The following GRID1 variants were observed in gnomAD, a reference collection of about 807,000 sequenced individuals.
GRID1 encodes glutamate ionotropic receptor delta type subunit 1, also known as glutamate receptor ionotropic, delta-1.
GRID1 carries 28 observed loss-of-function variants against 98.0 expected under a neutral mutation model. The observed-to-expected ratio is 0.29, with a 90% CI of 0.21 to 0.39. The LOEUF (loss-of-function observed/expected upper bound fraction) is 0.39, where lower values mean the gene tolerates loss of function less well. Ranked by LOEUF, GRID1 falls within the 10% of genes least tolerant of loss-of-function variation. The pLI, the probability that GRID1 is intolerant of heterozygous loss-of-function variation, is 1.00. For missense variants in GRID1, 1,111 were observed against 1,340.5 expected, an observed-to-expected ratio of 0.83 and a Z score of 2.67; for synonymous variants, 553 against 538.5, an observed-to-expected ratio of 1.03 and a Z score of -0.37.
At position 85,602,167 on chromosome 10, in the gene GRID1, ATG is replaced by A. The variant is rs1476933384; in HGVS notation, c.*104_*105del. The A allele has an allele frequency of 7.0e-5, 44 of 624,878 alleles. No individual in the cohort carries two copies. Among genetic ancestry groups the A allele is most frequent in the Non-Finnish European group, 8.8e-5 (32 of 365,378 alleles). 38.7% of individuals were successfully genotyped at this position (624,878 alleles called of 1,614,324 possible). On this transcript the variant is annotated 3_prime_UTR_variant, in exon 16 of 16. Coordinates refer to ENST00000327946, the MANE Select transcript of GRID1 (RefSeq NM_017551.3). ...AAGAAAAATGAAAGAGTCTCTGTGTATGTGTGTGTGTGCGAGTGTGTGTGGTT... is the reference window on the plus strand; with the variant it reads ...AAGAAAAATGAAAGAGTCTCTGTGTATGTGTGTGTGCGAGTGTGTGTGGTT...
chr10:85,737,819 C>A (rs547964444), intron 8 of GRID1, among the ~76,000 whole-genome samples: 2 of 150,574 alleles, frequency 1.3e-5, no homozygotes, highest in Admixed American at 1.3e-4. Flanking sequence ...AAGAAACTTG[C>A]AATTGCAAAA....
rs140014251 is a variant in GRID1, at chr10:86,356,685, A to G, written c.235+7256T>C. Reference sequence around the variant, plus strand: ...TGCTGGGAGTTTTGGATTGTTTGTTACTGCAGCATAACTTAGTCTCCCCTG... The same window carrying G: ...TGCTGGGAGTTTTGGATTGTTTGTTGCTGCAGCATAACTTAGTCTCCCCTG... On this transcript the variant is annotated intron_variant, in intron 2 of 15. Transcript: ENST00000327946. 3.2e-3 allele frequency among the ~76,000 whole-genome samples: 482 copies of G among 152,334 alleles called. 1 individual carries two copies. Among genetic ancestry groups the G allele is most frequent in the African/African-American group, 0.011 (451 of 41,566 alleles).
intron 8 of GRID1, among the ~76,000 whole-genome samples, chr10:85,796,534 T>C (rs1564593420): frequency 6.6e-6 from 1 of 152,110 alleles, no homozygotes; most frequent in Admixed American, 6.5e-5. Context: ...CATTGCAAGA[T>C]ATAAAAGGCT....
intron 4 of GRID1, among the ~76,000 whole-genome samples, chr10:85,996,301 T>C (rs895224859): frequency 1.3e-5 from 2 of 152,124 alleles, no homozygotes; most frequent in Admixed American, 1.3e-4. Context: ...AAGTAACTAT[T>C]ATAAAAATGT....
chr10:86,349,759 A>G (rs776962119), intron 2 of GRID1, among the ~76,000 whole-genome samples: 2 of 152,196 alleles, frequency 1.3e-5, no homozygotes, highest in South Asian at 2.1e-4. Flanking sequence ...TGCAGAGAGC[A>G]GAGTTCCCAT....
intron 3 of GRID1, among the ~76,000 whole-genome samples, chr10:86,194,597 A>G (rs1238818792): frequency 1.3e-5 from 2 of 152,062 alleles, no homozygotes; most frequent in Non-Finnish European, 2.9e-5. Context: ...TGTTGTTTTA[A>G]TTTTTTCAAC....
chr10:86,116,042 GTGTGT>G (rs1306435456), intron 4 of GRID1, among the ~76,000 whole-genome samples: 2 of 152,216 alleles, frequency 1.3e-5, no homozygotes, highest in East Asian at 3.9e-4. Context: ...TAAAGCCTAG[GTGTGT>G]TGTAGGCTGT....
At chr10:86,213,471 T>C (rs546111181) in intron 2 of GRID1, among the ~76,000 whole-genome samples, 1 of 152,232 alleles carries the variant, frequency 6.6e-6, no homozygotes, top group South Asian at 2.1e-4. Context: ...CTATCTCGCA[T>C]GACTTCCTGC....
chr10:85,635,603 C>T (rs941221169), intron 13 of GRID1, among the ~76,000 whole-genome samples: 1 of 152,158 alleles, frequency 6.6e-6, no homozygotes, highest in African/African-American at 2.4e-5. Context: ...CTACCTCTGC[C>T]CTCAGCCAGC....
chr10:86,307,365 A>G lies in GRID1; in HGVS notation c.235+56576T>C, dbSNP rs566616899. Reference sequence around the variant, plus strand: ...TACACAATGGAATTCAGCCTTAAAAAAGAATTAAATCCTGCCATTTGCAAT... The same window carrying G: ...TACACAATGGAATTCAGCCTTAAAAGAGAATTAAATCCTGCCATTTGCAAT... On this transcript the variant is annotated intron_variant, in intron 2 of 15. Coordinates refer to ENST00000327946, the MANE Select transcript of GRID1 (RefSeq NM_017551.3). Among the ~76,000 whole-genome samples the G allele has an allele frequency of 1.1e-4, 16 of 152,342 alleles. No homozygotes were observed. The South Asian group carries it at 3.1e-3, about 30-fold the overall frequency.
intron 12 of GRID1, among the ~76,000 whole-genome samples, chr10:85,668,111 C>T (rs529558117): frequency 2.0e-5 from 3 of 152,326 alleles, no homozygotes; most frequent in South Asian, 2.1e-4. Context: ...GGCATTGGCA[C>T]GTGCATTCCA....
At chr10:86,228,512 A>G (rs907779419) in intron 2 of GRID1, among the ~76,000 whole-genome samples, 1 of 152,020 alleles carries the variant, frequency 6.6e-6, no homozygotes, top group South Asian at 2.1e-4. Flanking sequence ...AGCCTCAATC[A>G]ACACCCACCT....
At chr10:85,872,706 A>G (rs1221219255) in intron 5 of GRID1, among the ~76,000 whole-genome samples, 2 of 151,918 alleles carry the variant, frequency 1.3e-5, no homozygotes, top group Non-Finnish European at 2.9e-5. Flanking sequence ...CATTCTACCC[A>G]CCTGGGAATT....
At chr10:86,217,004 A>G (rs2132026681) in intron 2 of GRID1, among the ~76,000 whole-genome samples, 1 of 152,290 alleles carries the variant, frequency 6.6e-6, no homozygotes, top group East Asian at 1.9e-4. Flanking sequence ...TGGGGCAAGG[A>G]CATGCCTTCT....
At chr10:85,694,998 A>T (rs1395848424) in intron 12 of GRID1, among the ~76,000 whole-genome samples, 1 of 152,150 alleles carries the variant, frequency 6.6e-6, no homozygotes, top group Non-Finnish European at 1.5e-5. Flanking sequence ...AGTGGAGGGA[A>T]GAGAAGATGA....
At chr10:86,126,550 G>C (rs551246776) in intron 4 of GRID1, among the ~76,000 whole-genome samples, 2 of 152,322 alleles carry the variant, frequency 1.3e-5, no homozygotes, top group African/African-American at 4.8e-5. Context: ...ACTGGGAAAG[G>C]AGAACAGGGC....
chr10:85,942,032 T>G (rs1842002677), intron 4 of GRID1, among the ~76,000 whole-genome samples: 1 of 152,168 alleles, frequency 6.6e-6, no homozygotes, highest in Non-Finnish European at 1.5e-5. Context: ...GATATACTTT[T>G]CCCCTGCCCT....
At chr10:86,210,516 C>T (rs1846093298) in intron 2 of GRID1, among the ~76,000 whole-genome samples, 1 of 152,216 alleles carries the variant, frequency 6.6e-6, no homozygotes, top group Non-Finnish European at 1.5e-5. Flanking sequence ...GCCTCCTGCC[C>T]CTTCCTTGGA....
chr10:86,249,059 A>G (rs1275062328), intron 2 of GRID1, among the ~76,000 whole-genome samples: 1 of 151,664 alleles, frequency 6.6e-6, no homozygotes. Context: ...GGCCGAGATC[A>G]GCACTTAACT....
Sources: gnomAD v4.1 joint callset for allele counts (sites outside exome capture counted in the v4.1 genomes callset) on GRCh38, gnomAD v4.1.1 for gene constraint, MANE v1.5 for transcripts, NCBI Gene and HGNC (gene_info 2026-07-23, HGNC 2026-07-21) for gene names.